SLTM: variants seen among roughly 807,000 people sequenced by gnomAD.
The protein encoded by SLTM is SAFB like transcription modulator.
A neutral mutation model predicts 134.6 loss-of-function variants in SLTM; 43 were observed. The observed-to-expected ratio is 0.32, with a 90% CI of 0.25 to 0.41. The LOEUF is 0.41. Among genes scored for constraint, SLTM ranks in the 10% least tolerant of loss-of-function variants. The pLI is 1.00. For synonymous variants in SLTM, 424 were observed against 432.3 expected, an observed-to-expected ratio of 0.98 and a Z score of 0.24; for missense variants, 1,055 against 1,288.8, an observed-to-expected ratio of 0.82 and a Z score of 2.78.
intron 5 of SLTM, among the ~76,000 whole-genome samples, chr15:58,903,029 G>A (rs2035600202): frequency 6.6e-6 from 1 of 152,152 alleles, no homozygotes; most frequent in Admixed American, 6.5e-5. Flanking sequence ...AGCCTCCCAA[G>A]TAGCTGGGAC....
intron 10 of SLTM, 58 bp downstream of exon 10, chr15:58,894,375 G>C (rs1279495829): frequency 2.3e-5 from 36 of 1,587,116 alleles, no homozygotes; most frequent in Non-Finnish European, 3.0e-5. Context: ...TAACAGCTAT[G>C]AGTTGAGAAC....
chr15:58,898,855 A>G lies in SLTM; in HGVS notation c.1059-3T>C, dbSNP rs752133816. The G allele has an allele frequency of 6.2e-7, 1 of 1,606,334 alleles. No homozygotes were observed. The highest frequency in any genetic ancestry group is 1.3e-5 in the African/African-American group (1 of 74,662). ...TGTCTTTAGATTCCTTTGAAGAGCT[A>G]AAGAGGCAAATCACCAGAAGAAAAT... On this transcript the variant is annotated splice_region_variant and splice_polypyrimidine_tract_variant and intron_variant, in intron 7 of 20. Transcript: ENST00000380516.
chr15:58,894,735 C>T lies in SLTM; in HGVS notation c.1228-153G>A, dbSNP rs2034943664. On this transcript the variant is annotated intron_variant, in intron 9 of 20. Coordinates refer to ENST00000380516, the MANE Select transcript of SLTM (RefSeq NM_024755.4). ...TTTTTTTTTTTTTGAGATGGAGTCA[C>T]ACTCTGTCACGCAGGCTGGAGTGCA... Among the ~76,000 whole-genome samples the T allele has an allele frequency of 3.6e-5, 5 of 137,122 alleles. 1 individual carries two copies. The Admixed American group carries it at 4.1e-4, about 11-fold the overall frequency. The allele number at this position is 137,122 out of a possible 152,430, so 90.0% of individuals were successfully genotyped here.
intron 2 of SLTM, among the ~76,000 whole-genome samples, chr15:58,921,873 T>G (rs767997772): frequency 6.6e-5 from 10 of 152,200 alleles, no homozygotes; most frequent in Admixed American, 1.3e-4. Context: ...CCTCCCAGGT[T>G]CAAGCGATTC....
chr15:58,886,857 A>C, intron 19 of SLTM, 118 bp downstream of exon 19: 1 of 1,244,388 alleles, frequency 8.0e-7, no homozygotes, highest in South Asian at 1.5e-5. Flanking sequence ...AATGCCTCTG[A>C]ATCATTCCAA....
intron 2 of SLTM, among the ~76,000 whole-genome samples, chr15:58,929,419 G>T (rs1001796275): frequency 2.0e-5 from 3 of 152,082 alleles, no homozygotes; most frequent in Non-Finnish European, 4.4e-5. Context: ...TTGCACTCTA[G>T]CCTGGGTGAC....
chr15:58,913,387 A>T, intron 4 of SLTM, 112 bp downstream of exon 4: 1 of 883,734 alleles, frequency 1.1e-6, no homozygotes, highest in Non-Finnish European at 1.7e-6. Flanking sequence ...TAGCTTTAGT[A>T]ACACATCTTT....
In SLTM at chr15:58,913,694, G is replaced by A. The variant is rs777096237; in HGVS notation, c.318C>T (p.Asp106=). 6.2e-7 allele frequency: 1 copy of A among 1,612,860 alleles called. No homozygotes were observed. The highest frequency in any genetic ancestry group is 2.2e-5 in the East Asian group (1 of 44,774). The change falls in exon 4 of 21, where the codon GAC becomes GAT. Residue 106 remains aspartate, a splice_region_variant and synonymous_variant. Transcript: ENST00000380516. ...GTGCCTCTTGATTCTCCAATTCACA[G>A]TCCTTTTAATGGTAAGAAAATTTGG... ...ASVEDDAFIK[D]CELENQEAHE...
intron 2 of SLTM, among the ~76,000 whole-genome samples, chr15:58,919,149 G>A (rs538621058): frequency 9.8e-4 from 149 of 152,296 alleles, no homozygotes; most frequent in African/African-American, 3.4e-3. Flanking sequence ...CTGACCTTAG[G>A]TGATCCACCC....
intron 3 of SLTM, 83 bp downstream of exon 3, chr15:58,916,852 T>C (rs774070253): frequency 4.3e-5 from 49 of 1,152,658 alleles, no homozygotes; most frequent in Middle Eastern, 4.3e-4. Flanking sequence ...TCAGTGACCA[T>C]TGTTCAACAA....
chr15:58,916,526 T>A (rs2036663488), intron 3 of SLTM: 1 of 155,462 alleles, frequency 6.4e-6, no homozygotes, highest in African/African-American at 2.4e-5. Flanking sequence ...CTCTGTGTAT[T>A]TTAAGGTCTA....
intron 5 of SLTM, among the ~76,000 whole-genome samples, chr15:58,905,741 T>C (rs11857223): frequency 0.091 from 13,808 of 151,712 alleles, 805 homozygotes; most frequent in African/African-American, 0.16. Context: ...AATACTATGA[T>C]GTAAAAAAAA....
intron 1 of SLTM, among the ~76,000 whole-genome samples, chr15:58,933,005 C>G: frequency 6.6e-6 from 1 of 152,228 alleles, no homozygotes; most frequent in Non-Finnish European, 1.5e-5. Flanking sequence ...GCAGAAGTCA[C>G]CAAAGTAACC....
In SLTM at chr15:58,899,890, G is replaced by A. The variant is rs778110318; in HGVS notation, c.637C>T (p.Pro213Ser). ...DGTQEVSKPL[P>S]SEGSLAEADH... is the part of the protein sequence containing the mutation. ...GCCTCAGCTAGGCTCCCTTCTGAAG[G>A]AAGAGGTTTAGATACTTCTTGTGTA... The change falls in exon 7 of 21, where the codon CCT (proline) becomes TCT (serine). Residue 213 changes from proline (P) to serine (S), a missense_variant. Physicochemically the swap from Pro to Ser is moderately conservative, Grantham distance 74 (BLOSUM62 -1). This residue lies in a region of SLTM where 268 missense variants were observed against 284.3 expected (regional missense o/e 0.94). Coordinates refer to ENST00000380516, the MANE Select transcript of SLTM (RefSeq NM_024755.4). This position sits in a 1 kb window ranked among gnomAD's most constrained non-coding sequence, Gnocchi z 5.0. The A allele has an allele frequency of 1.9e-6, 3 of 1,613,788 alleles. No homozygotes were observed. The African/African-American group carries it at 4.0e-5, about 22-fold the overall frequency.
intron 5 of SLTM, among the ~76,000 whole-genome samples, chr15:58,905,909 A>G (rs1245976286): frequency 6.6e-6 from 1 of 152,238 alleles, no homozygotes. Flanking sequence ...GGCAAACTTT[A>G]TGACATACAT....
Position 58,893,858 on chromosome 15 carries a change from T to C in SLTM, c.1611A>G (p.Ser537=). 6.2e-7 allele frequency: 1 copy of C among 1,613,136 alleles called. No individual in the cohort carries two copies. The highest frequency in any genetic ancestry group is 1.1e-5 in the South Asian group (1 of 90,684). The change falls in exon 12 of 21, where the codon TCA becomes TCG. Residue 537 remains serine (S), a synonymous_variant. Coordinates refer to ENST00000380516, the MANE Select transcript of SLTM (RefSeq NM_024755.4). ...TTTCTTCACTTTTTTTAATCGATTC[T>C]GATGTTTGGCCACTTGCTCCATTAT... ...KNDNGASGQT[S]ESIKKSEEKK... is the part of the protein sequence containing the mutation.
intron 19 of SLTM, among the ~76,000 whole-genome samples, chr15:58,885,994 A>G (rs983335361): frequency 5.3e-5 from 8 of 152,164 alleles, no homozygotes; most frequent in African/African-American, 1.9e-4. Context: ...AAATGAGGCA[A>G]AAGGTTTTTG....
chr15:58,880,152 A>C, intron 20 of SLTM, 45 bp from the exon 21 acceptor site: 1 of 1,598,378 alleles, frequency 6.3e-7, no homozygotes, highest in Non-Finnish European at 8.5e-7. Flanking sequence ...ACAAAGAACA[A>C]ATCATCACTG....
At position 58,923,273 on chromosome 15, in the gene SLTM, C is replaced by A. The variant is rs547076618; in HGVS notation, c.251-6274G>T. ...CTAGGGGGGCCGATGTGGGAGGATA[C>A]CATAAGCCCAGGAGGTCAAGAATGC... is the stretch of plus-strand genomic sequence containing the variant. On this transcript the variant is annotated intron_variant, in intron 2 of 20. Coordinates refer to ENST00000380516, the MANE Select transcript of SLTM (RefSeq NM_024755.4). 3.3e-5 allele frequency among the ~76,000 whole-genome samples: 5 copies of A among 152,144 alleles called. No homozygotes were observed. In the East Asian group the frequency reaches 9.6e-4, roughly 29 times the overall value.
Sources: allele counts gnomAD v4.1 joint callset (sites outside exome capture counted in the v4.1 genomes callset), GRCh38; gene constraint gnomAD v4.1.1; regional missense constraint gnomAD v4.1.1; non-coding constraint Gnocchi (gnomAD v3.1); transcripts MANE v1.5; gene names NCBI Gene and HGNC (gene_info 2026-07-23, HGNC 2026-07-21).